Variants in BDP1 observed in about 807,000 individuals in gnomAD.
BDP1 encodes transcription factor TFIIIB component B'' homolog.
In BDP1, 169 loss-of-function variants were observed where a neutral mutation model predicts 266.6. The ratio of observed to expected loss-of-function variants is 0.63; its 90% CI spans 0.56 to 0.72. The LOEUF (loss-of-function observed/expected upper bound fraction) is 0.72. Among genes scored for constraint, BDP1 ranks in the 30% least tolerant of loss-of-function variants. BDP1 has a pLI of 0.00. For synonymous variants in BDP1, 1,090 were observed against 1,022.4 expected, an observed-to-expected ratio of 1.07 and a Z score of -1.26; for missense variants, 3,015 against 3,053.8, an observed-to-expected ratio of 0.99 and a Z score of 0.30.
At chr5:71,524,903 C>T (rs1358375365) in intron 25 of BDP1, among the ~76,000 whole-genome samples, 9 of 151,248 alleles carry the variant, frequency 6.0e-5, no homozygotes, top group African/African-American at 1.9e-4. Context: ...TTAATCCATT[C>T]AACCCTGAGT....
chr5:71,458,720 A>T lies in BDP1; in HGVS notation c.354A>T (p.Leu118Phe). The change falls in exon 2 of 39, where the codon TTA (leucine) becomes TTT (phenylalanine). Residue 118 changes from leucine to phenylalanine, a missense_variant. Coordinates refer to ENST00000358731, the MANE Select transcript of BDP1 (RefSeq NM_018429.3). Reference protein sequence around the residue: ...SVSVPSESHPLSTINQEAPQP... With the variant: ...SVSVPSESHPFSTINQEAPQP... ...GTGTTCCTTCAGAATCTCATCCCTT[A>T]TCTACAATTAATCAAGAGGCTCCAC... 1 of 1,614,150 alleles carries T rather than the reference A, an allele frequency of 6.2e-7. No individual in the cohort carries two copies. Among genetic ancestry groups the T allele is most frequent in the Non-Finnish European group, 8.5e-7 (1 of 1,180,014 alleles).
chr5:71,524,249 G>C lies in BDP1; in HGVS notation c.5698G>C (p.Ala1900Pro), dbSNP rs747492720. 1 of 1,614,030 alleles carries C rather than the reference G, an allele frequency of 6.2e-7. No homozygotes were observed. The highest frequency in any genetic ancestry group is 1.3e-5 in the African/African-American group (1 of 75,042). Residue 1900 changes from alanine (A) to proline (P), a missense_variant, in exon 25 of 39, where the codon GCT becomes CCT. Physicochemically the swap from Ala to Pro is conservative, Grantham distance 27. Coordinates refer to ENST00000358731, the MANE Select transcript of BDP1 (RefSeq NM_018429.3). ...TCTTGCTCCCGAAGAAGTAAACAAA[G>C]CTCCAGTATTTGTACCTGTTGGTCT... ...YHLAPEEVNK[A>P]PVFVPVGLRS...
At chr5:71,498,455 G>C (rs1764027185) in intron 13 of BDP1, among the ~76,000 whole-genome samples, 1 of 147,146 alleles carries the variant, frequency 6.8e-6, no homozygotes, top group Non-Finnish European at 1.5e-5. Context: ...ATGGAGTCTT[G>C]CTCTGTTGCC....
At position 71,565,756 on chromosome 5, in the gene BDP1, T is replaced by C. The variant is rs1743991045; in HGVS notation, c.*871T>C. ...GTGAAAACAAATTGTCAAACTTCAC[T>C]TTAGTATGGCAAATGTTAAAGAACT... is the stretch of plus-strand genomic sequence containing the variant. On this transcript the variant is annotated 3_prime_UTR_variant, in exon 39 of 39. Coordinates refer to ENST00000358731, the MANE Select transcript of BDP1 (RefSeq NM_018429.3). 2 of 153,466 alleles carry C rather than the reference T, an allele frequency of 1.3e-5. No homozygotes were observed. The highest frequency in any genetic ancestry group is 2.9e-5 in the Non-Finnish European group (2 of 68,898). The allele number at this position is 153,466 out of a possible 1,614,324, so 9.5% of individuals were successfully genotyped here.
At chr5:71,523,689 C>T (rs1049152464) in intron 24 of BDP1, among the ~76,000 whole-genome samples, 3 of 152,118 alleles carry the variant, frequency 2.0e-5, no homozygotes, top group Non-Finnish European at 4.4e-5. Context: ...TTTCATATTA[C>T]AGGAAAGAAT....
chr5:71,563,133 G>A (rs1309951417), intron 38 of BDP1, among the ~76,000 whole-genome samples: 1 of 152,062 alleles, frequency 6.6e-6, no homozygotes, highest in Admixed American at 6.6e-5. Context: ...CCAAAGTCGT[G>A]GGTTTTGTTT....
In BDP1 at chr5:71,562,342, C is replaced by T. The variant is rs372717902; in HGVS notation, c.7565C>T (p.Pro2522Leu). 2 of 1,612,956 alleles carry T rather than the reference C, an allele frequency of 1.2e-6. No individual in the cohort carries two copies. The highest frequency in any genetic ancestry group is 1.7e-6 in the Non-Finnish European group (2 of 1,179,252). Reference sequence around the variant, plus strand: ...AAGAATAGTTTGGAGTCTGATGAACCTATGCAAGTCCATAGTAAGAAACGC... The same window carrying T: ...AAGAATAGTTTGGAGTCTGATGAACTTATGCAAGTCCATAGTAAGAAACGC... ...CSKNSLESDEPMQVHSKKRLK... is the reference protein window; with the variant it reads ...CSKNSLESDELMQVHSKKRLK... The change falls in exon 38 of 39, where the codon CCT (proline) becomes CTT (leucine). Residue 2522 changes from proline to leucine, a missense_variant. Coordinates refer to ENST00000358731, the MANE Select transcript of BDP1 (RefSeq NM_018429.3).
intron 7 of BDP1, among the ~76,000 whole-genome samples, chr5:71,478,660 T>A (rs1762745007): frequency 7.2e-6 from 1 of 138,560 alleles, no homozygotes; most frequent in African/African-American, 2.6e-5. Flanking sequence ...GTTTTCAGGA[T>A]TTTTTTTTTT....
rs1764478937 is a variant in BDP1 at position 71,504,754 on chromosome 5, A to T, written c.2372+3A>T. 1 of 1,610,956 alleles carries T rather than the reference A, an allele frequency of 6.2e-7. No homozygotes were observed. The highest frequency in any genetic ancestry group is 8.5e-7 in the Non-Finnish European group (1 of 1,179,192). ...AAGGTTCTTAATGAATGTCTAAGGT[A>T]AGCATCATTTTGTTGATATATAATC... On this transcript the variant is annotated splice_donor_region_variant and intron_variant, in intron 16 of 38. Coordinates refer to ENST00000358731, the MANE Select transcript of BDP1 (RefSeq NM_018429.3).
In BDP1 at chr5:71,545,093, A is replaced by G. The variant is rs1200634066; in HGVS notation, c.6618A>G (p.Pro2206=). 5 of 1,613,664 alleles carry G rather than the reference A, an allele frequency of 3.1e-6. No individual in the cohort carries two copies. The highest frequency in any genetic ancestry group is 4.2e-6 in the Non-Finnish European group (5 of 1,179,838). ...SQEVHMLSVA[P]VASSETGPCT... ...AGGTTCACATGTTGTCAGTTGCTCC[A>G]GTTGCTTCCTCTGAGACAGGGCCCT... The change falls in exon 32 of 39, where the codon CCA becomes CCG. Residue 2206 remains proline (P), a synonymous_variant. Coordinates refer to ENST00000358731, the MANE Select transcript of BDP1 (RefSeq NM_018429.3).
At chr5:71,503,541 G>A (rs1020294337) in intron 15 of BDP1, among the ~76,000 whole-genome samples, 2 of 152,112 alleles carry the variant, frequency 1.3e-5, no homozygotes, top group African/African-American at 2.4e-5. Flanking sequence ...GGCTTAAACA[G>A]CATAAAGTGT....
At chr5:71,517,915 T>TA (rs1049127510) in intron 22 of BDP1, among the ~76,000 whole-genome samples, 1 of 151,118 alleles carries the variant, frequency 6.6e-6, no homozygotes, top group East Asian at 1.9e-4. Context: ...AAATAACAAA[T>TA]AAAAAAAAGA....
chr5:71,514,361 A>G (rs1765106256), intron 19 of BDP1, among the ~76,000 whole-genome samples: 1 of 152,204 alleles, frequency 6.6e-6, no homozygotes, highest in African/African-American at 2.4e-5. Flanking sequence ...TAGAAATTTT[A>G]ATTTGGAAAA....
intron 22 of BDP1, among the ~76,000 whole-genome samples, chr5:71,518,733 G>A (rs532552229): frequency 9.2e-5 from 14 of 151,890 alleles, no homozygotes; most frequent in Non-Finnish European, 1.8e-4. Flanking sequence ...GGATTACATG[G>A]TGAGCCACCG....
At chr5:71,525,977 TCCTCACATCCCA>T (rs1765839636) in intron 25 of BDP1, among the ~76,000 whole-genome samples, 1 of 150,956 alleles carries the variant, frequency 6.6e-6, no homozygotes, top group South Asian at 2.1e-4. Flanking sequence ...GCTGAGAGGC[TCCTCACATCCCA>T]GACGATGGGC....
At chr5:71,491,456 C>T (rs1308061406) in intron 11 of BDP1, among the ~76,000 whole-genome samples, 1 of 151,110 alleles carries the variant, frequency 6.6e-6, no homozygotes, top group Non-Finnish European at 1.5e-5. Flanking sequence ...TTTTGGTTTT[C>T]GTTAGTTTGA....
chr5:71,511,176 AG>A, intron 17 of BDP1, 25 bp downstream of exon 17: 1 of 1,562,710 alleles, frequency 6.4e-7, no homozygotes, highest in South Asian at 1.2e-5. Context: ...GTCCTTTAAA[AG>A]TTTTTTGAAT....
At chr5:71,461,951 A>AAT in intron 3 of BDP1, 25 bp downstream of exon 3, 4 of 1,024,486 alleles carry the variant, frequency 3.9e-6, no homozygotes, top group Non-Finnish European at 5.9e-6. Context: ...TTTCTGCTTT[A>AAT]CTATCTCTTT....
At position 71,548,678 on chromosome 5, in the gene BDP1, G is replaced by A; in HGVS notation, c.6745-4G>A. The A allele has an allele frequency of 1.9e-6, 3 of 1,593,680 alleles. No individual in the cohort carries two copies. The highest frequency in any genetic ancestry group is 2.6e-6 in the Non-Finnish European group (3 of 1,163,646). Reference sequence around the variant, plus strand: ...GACTCTTTCATTTTAATTTTTTATGGCAGTATACACCAACAAGTATTCCAG... The same window carrying A: ...GACTCTTTCATTTTAATTTTTTATGACAGTATACACCAACAAGTATTCCAG... On this transcript the variant is annotated splice_region_variant and splice_polypyrimidine_tract_variant and intron_variant, in intron 32 of 38. Transcript: ENST00000358731.
Sources: gnomAD v4.1 joint callset for allele counts (sites outside exome capture counted in the v4.1 genomes callset) on GRCh38, gnomAD v4.1.1 for gene constraint, MANE v1.5 for transcripts, NCBI Gene and HGNC (gene_info 2026-07-23, HGNC 2026-07-21) for gene names.